ERBB4: variants seen among roughly 807,000 people sequenced by gnomAD.
ERBB4 encodes receptor tyrosine-protein kinase erbB-4.
ERBB4 carries 42 observed loss-of-function variants against 158.0 expected under a neutral mutation model. That is an observed-to-expected ratio of 0.27 (90% CI 0.21 to 0.34). ERBB4 has a LOEUF of 0.34. Among genes scored for constraint, ERBB4 ranks in the 10% least tolerant of loss-of-function variants. The probability of loss-of-function intolerance (pLI) is 1.00; values close to 1 mark genes in which losing one functional copy is unlikely to be tolerated. For synonymous variants in ERBB4, 583 were observed against 558.7 expected, an observed-to-expected ratio of 1.04 and a Z score of -0.61; for missense variants, 1,333 against 1,624.1, an observed-to-expected ratio of 0.82 and a Z score of 3.08.
rs546968229 is a variant in ERBB4 at position 212,308,637 on chromosome 2, A to G, written c.83-183734T>C. Among the ~76,000 whole-genome samples, 3 of 151,154 alleles carry G rather than the reference A, an allele frequency of 2.0e-5. No homozygotes were observed. The South Asian group carries it at 6.2e-4, about 31-fold the overall frequency. ...CTCAACATCTTTTCCCCTCAACTAA[A>G]GAGAAAAAAGTTAGCAATGATCACT... On this transcript the variant is annotated intron_variant, in intron 1 of 27. Transcript: ENST00000342788.
intron 1 of ERBB4, among the ~76,000 whole-genome samples, chr2:212,222,050 A>T (rs928062243): frequency 6.6e-6 from 1 of 151,622 alleles, no homozygotes; most frequent in African/African-American, 2.4e-5. Flanking sequence ...GTAAACAATT[A>T]TAATAGTAGC....
intron 3 of ERBB4, among the ~76,000 whole-genome samples, chr2:211,935,533 C>T (rs1462738887): frequency 1.3e-5 from 2 of 152,162 alleles, no homozygotes; most frequent in African/African-American, 4.8e-5. Flanking sequence ...TGGCTCCCTG[C>T]ACCCTAAGGC....
chr2:212,166,914 T>C (rs2081362923), intron 1 of ERBB4, among the ~76,000 whole-genome samples: 1 of 152,166 alleles, frequency 6.6e-6, no homozygotes, highest in Non-Finnish European at 1.5e-5. Context: ...ACCGGACCTC[T>C]TCCTTACACC....
intron 15 of ERBB4, among the ~76,000 whole-genome samples, chr2:211,659,939 C>A (rs1353754730): frequency 2.6e-5 from 4 of 152,104 alleles, no homozygotes; most frequent in Non-Finnish European, 5.9e-5. Flanking sequence ...CATGATAACC[C>A]TCTTAGGGGA....
intron 3 of ERBB4, among the ~76,000 whole-genome samples, chr2:211,806,751 A>T (rs1317585241): frequency 6.6e-6 from 1 of 152,214 alleles, no homozygotes; most frequent in African/African-American, 2.4e-5. Flanking sequence ...AAGTGGAAAC[A>T]TCAAGAAAAA....
intron 2 of ERBB4, among the ~76,000 whole-genome samples, chr2:212,105,297 G>A (rs1430792891): frequency 6.6e-6 from 1 of 152,088 alleles, no homozygotes. Context: ...TCCAAAGAGT[G>A]GTATTCAACA....
chr2:211,756,276 C>T (rs2075285912), intron 4 of ERBB4, among the ~76,000 whole-genome samples: 1 of 151,954 alleles, frequency 6.6e-6, no homozygotes, highest in African/African-American at 2.4e-5. Flanking sequence ...GAAGGCTCTG[C>T]AGTTTAGTTT....
rs193234658 is a variant in ERBB4, at chr2:211,629,044, T to A, written c.2079+1418A>T. On this transcript the variant is annotated intron_variant, in intron 17 of 27. Transcript: ENST00000342788. ...TTGTTTTTTTTCTTCTAAATTTGTTTGAGTTCATTTTAGATTCTGGATATT... is the reference window on the plus strand; with the variant it reads ...TTGTTTTTTTTCTTCTAAATTTGTTAGAGTTCATTTTAGATTCTGGATATT... 5.6e-3 allele frequency among the ~76,000 whole-genome samples: 852 copies of A among 152,318 alleles called. 9 individuals carry two copies. Among genetic ancestry groups the A allele is most frequent in the African/African-American group, 0.019 (782 of 41,570 alleles).
chr2:212,396,942 A>T (rs2091045057), intron 1 of ERBB4, among the ~76,000 whole-genome samples: 1 of 152,148 alleles, frequency 6.6e-6, no homozygotes, highest in Non-Finnish European at 1.5e-5. Context: ...AATCATTCTG[A>T]TGTATAATCT....
intron 1 of ERBB4, among the ~76,000 whole-genome samples, chr2:212,279,632 C>T (rs1325859529): frequency 6.6e-6 from 1 of 151,548 alleles, no homozygotes; most frequent in Non-Finnish European, 1.5e-5. Flanking sequence ...TAAAAGATAG[C>T]TTTTGCTTTT....
chr2:212,096,984 A>T (rs143092654), intron 2 of ERBB4, among the ~76,000 whole-genome samples: 1 of 152,224 alleles, frequency 6.6e-6, no homozygotes, highest in Admixed American at 6.5e-5. Flanking sequence ...AGGAAAAAAC[A>T]TGGAAAACAA....
chr2:211,733,441 C>A (rs535481666), intron 5 of ERBB4, among the ~76,000 whole-genome samples: 3 of 151,718 alleles, frequency 2.0e-5, no homozygotes, highest in Non-Finnish European at 1.5e-5. Context: ...TATGAATCTG[C>A]GTAAGAATAC....
chr2:212,331,330 A>G (rs1167889906), intron 1 of ERBB4, among the ~76,000 whole-genome samples: 1 of 151,600 alleles, frequency 6.6e-6, no homozygotes, highest in African/African-American at 2.4e-5. Flanking sequence ...AATAATTAGT[A>G]TATAAAACCG....
chr2:211,705,041 C>T (rs2073386605), intron 10 of ERBB4, among the ~76,000 whole-genome samples: 1 of 152,138 alleles, frequency 6.6e-6, no homozygotes, highest in Non-Finnish European at 1.5e-5. Context: ...ACTGCAATCT[C>T]CACCTCCTGG....
chr2:212,496,281 T>TA (rs36062314), intron 1 of ERBB4, among the ~76,000 whole-genome samples: 2,808 of 140,796 alleles, frequency 0.02, 57 homozygotes, highest in Admixed American at 0.06. Flanking sequence ...ATTGACCTGG[T>TA]AAAAAAAAAA....
chr2:211,783,201 T>C (rs2076078150), intron 4 of ERBB4, among the ~76,000 whole-genome samples: 3 of 152,230 alleles, frequency 2.0e-5, no homozygotes, highest in African/African-American at 7.2e-5. Context: ...ATGCTTGTGA[T>C]TTTTGCACAT....
chr2:211,933,229 C>A (rs932909428), intron 3 of ERBB4, among the ~76,000 whole-genome samples: 4 of 152,018 alleles, frequency 2.6e-5, no homozygotes, highest in African/African-American at 9.7e-5. Flanking sequence ...TTTCTAAGTA[C>A]GTGAAATGAC....
rs1559316887 is a variant in ERBB4, at chr2:211,580,797, T to TATAGATATATATAG, written c.2302-18710_2302-18709insCTATATATATCTAT. Among the ~76,000 whole-genome samples the TATAGATATATATAG allele has an allele frequency of 6.2e-5, 4 of 64,148 alleles. No homozygotes were observed. The African/African-American group carries it at 7.0e-4, about 11-fold the overall frequency. 42.1% of individuals were successfully genotyped at this position (64,148 alleles called of 152,430 possible). ...AGATAAAGAAATTGTGATATATATA[T>TATAGATATATATAG]ATATATATATATATAATATATATAT... On this transcript the variant is annotated intron_variant, in intron 19 of 27. Transcript: ENST00000342788.
intron 2 of ERBB4, among the ~76,000 whole-genome samples, chr2:212,023,686 T>C (rs1173202386): frequency 6.6e-6 from 1 of 151,832 alleles, no homozygotes; most frequent in Admixed American, 6.6e-5. Context: ...ATAATATCAA[T>C]GTAAATTTCT....
Sources: allele counts gnomAD v4.1 joint callset (sites outside exome capture counted in the v4.1 genomes callset), GRCh38; gene constraint gnomAD v4.1.1; transcripts MANE v1.5; gene names NCBI Gene and HGNC (gene_info 2026-07-23, HGNC 2026-07-21).